Variants in CAPN3 observed in about 807,000 individuals in gnomAD.
The protein encoded by CAPN3 is calpain 3.
CAPN3 carries 88 observed loss-of-function variants against 114.0 expected under a neutral mutation model. The observed-to-expected ratio is 0.77, with a 90% CI of 0.65 to 0.92. The LOEUF (loss-of-function observed/expected upper bound fraction) is 0.92. Among genes scored for constraint, CAPN3 ranks in the 40% least tolerant of loss-of-function variants. CAPN3 has a pLI of 0.00. For synonymous variants in CAPN3, 386 were observed against 382.9 expected, an observed-to-expected ratio of 1.01 and a Z score of -0.09; for missense variants, 1,028 against 1,069.0, an observed-to-expected ratio of 0.96 and a Z score of 0.53.
intron 1 of CAPN3, among the ~76,000 whole-genome samples, chr15:42,362,632 A>G (rs544014860): frequency 6.6e-6 from 1 of 152,350 alleles, no homozygotes; most frequent in African/African-American, 2.4e-5. Context: ...CATAAATGAG[A>G]AATATAAAAT....
chr15:42,393,364 C>T (rs377379148), intron 7 of CAPN3, among the ~76,000 whole-genome samples: 4 of 152,042 alleles, frequency 2.6e-5, no homozygotes, highest in African/African-American at 9.7e-5. Flanking sequence ...GCCATGGATA[C>T]GAGAGGCTGA....
At chr15:42,397,751 A>G (rs1380948922) in intron 9 of CAPN3, among the ~76,000 whole-genome samples, 2 of 152,030 alleles carry the variant, frequency 1.3e-5, no homozygotes, top group Non-Finnish European at 2.9e-5. Flanking sequence ...GGGCCTCGCT[A>G]TATTTCTCGG....
chr15:42,385,701 A>G, intron 2 of CAPN3: 1 of 520,512 alleles, frequency 1.9e-6, no homozygotes, highest in South Asian at 1.4e-5. Context: ...GCAGCTGCCT[A>G]CCTGGCCTTC....
At position 42,365,960 on chromosome 15, in the gene CAPN3, T is replaced by A. The variant is rs568386029; in HGVS notation, c.309+5846T>A. Among the ~76,000 whole-genome samples the A allele has an allele frequency of 6.6e-5, 10 of 152,322 alleles. No homozygotes were observed. In the East Asian group the frequency reaches 1.9e-3, roughly 29 times the overall value. ...GCTTATTTTAAGAATAGAGTTTAGA[T>A]AAGTTTCCCAAGCTATAATTCATCA... On this transcript the variant is annotated intron_variant, in intron 1 of 23. Transcript: ENST00000397163.
At chr15:42,396,747 A>C (rs1218184206) in intron 8 of CAPN3, 53 bp from the exon 9 acceptor site, 5 of 1,387,092 alleles carry the variant, frequency 3.6e-6, no homozygotes, top group African/African-American at 2.8e-5. Context: ...GTCCCAACCT[A>C]CATCAGGCCT....
At chr15:42,384,593 G>A (rs757344208) in intron 2 of CAPN3, 41 bp downstream of exon 2, 9 of 1,425,438 alleles carry the variant, frequency 6.3e-6, no homozygotes, top group Non-Finnish European at 8.9e-6. Flanking sequence ...AGATGATCAA[G>A]GGGTGATTAC....
intron 10 of CAPN3, among the ~76,000 whole-genome samples, chr15:42,400,080 T>C (rs1036818277): frequency 1.3e-5 from 2 of 152,236 alleles, no homozygotes; most frequent in Non-Finnish European, 2.9e-5. Flanking sequence ...ATATCTCATG[T>C]AACTTACTTA....
chr15:42,379,801 A>C (rs1039583687), intron 1 of CAPN3, among the ~76,000 whole-genome samples: 1 of 152,232 alleles, frequency 6.6e-6, no homozygotes, highest in Middle Eastern at 3.4e-3. Context: ...ATCCTTCTTT[A>C]TCTATGAGTT....
chr15:42,389,683 G>C (rs115311588), intron 5 of CAPN3, among the ~76,000 whole-genome samples: 1 of 152,298 alleles, frequency 6.6e-6, no homozygotes, highest in South Asian at 2.1e-4. Context: ...GGTTTCCATT[G>C]GGGAGGATGG....
rs776744061 is a variant in CAPN3 at position 42,399,657 on chromosome 15, G to A, written c.1354+5G>A. 6.3e-7 allele frequency: 1 copy of A among 1,595,054 alleles called. No individual in the cohort carries two copies. The highest frequency in any genetic ancestry group is 2.3e-5 in the East Asian group (1 of 44,338). On this transcript the variant is annotated splice_donor_5th_base_variant and intron_variant, in intron 10 of 23. Transcript: ENST00000397163. ...GAGGCTGCCGCAACTTCCCAGGTGG[G>A]AGATGCTCTTGATGGGGGGAGGGTC...
At chr15:42,374,956 T>A (rs2053048959) in intron 1 of CAPN3, among the ~76,000 whole-genome samples, 1 of 150,322 alleles carries the variant, frequency 6.7e-6, no homozygotes, top group Non-Finnish European at 1.5e-5. Context: ...CCCAGGCATG[T>A]GCCACCACAT....
chr15:42,359,962 A>G lies in CAPN3; in HGVS notation c.157A>G (p.Ile53Val), dbSNP rs144138775. The G allele has an allele frequency of 6.1e-5, 98 of 1,614,208 alleles. No homozygotes were observed. The highest frequency in any genetic ancestry group is 7.3e-5 in the Non-Finnish European group (86 of 1,180,020). ...AGCCATCATCAGCCGCAATTTTCCT[A>G]TTATCGGAGTGAAAGAGAAGACATT... ...YSAIISRNFP[I>V]IGVKEKTFEQ... is the part of the protein sequence containing the mutation. Residue 53 changes from isoleucine (I) to valine (V), a missense_variant, in exon 1 of 24, where the codon ATT becomes GTT. By Grantham distance (29) the Ile-to-Val change is conservative. Coordinates refer to ENST00000397163, the MANE Select transcript of CAPN3 (RefSeq NM_000070.3).
intron 3 of CAPN3, 48 bp from the exon 4 acceptor site, chr15:42,387,705 C>T (rs757648915): frequency 6.2e-7 from 1 of 1,612,924 alleles, no homozygotes; most frequent in South Asian, 1.1e-5. Flanking sequence ...GACACATTTC[C>T]TAACAGTAAT....
chr15:42,403,994 G>T, intron 14 of CAPN3: 1 of 653,826 alleles, frequency 1.5e-6, no homozygotes. Context: ...TCAGGGGCTG[G>T]GAAATATGGA....
chr15:42,361,587 GT>G (rs990424503), intron 1 of CAPN3, among the ~76,000 whole-genome samples: 5 of 152,150 alleles, frequency 3.3e-5, no homozygotes, highest in African/African-American at 4.8e-5. Context: ...AAGGCCTTCA[GT>G]TTAGAAGATA....
intron 15 of CAPN3, 114 bp from the exon 16 acceptor site, chr15:42,408,097 C>T: frequency 4.2e-6 from 3 of 717,500 alleles, no homozygotes; most frequent in South Asian, 2.9e-5. Flanking sequence ...GAGCTCCCGC[C>T]TATTCCTTTC....
chr15:42,360,925 C>T (rs1016746230), intron 1 of CAPN3, among the ~76,000 whole-genome samples: 1 of 152,160 alleles, frequency 6.6e-6, no homozygotes, highest in Non-Finnish European at 1.5e-5. Context: ...TCTACTAGTG[C>T]CAGCACTGGG....
chr15:42,401,866 T>C (rs1407049053), intron 11 of CAPN3, 56 bp downstream of exon 11: 4 of 1,562,606 alleles, frequency 2.6e-6, no homozygotes, highest in Middle Eastern at 3.5e-4. Context: ...GGGAGGACGC[T>C]TCCAGGGGCT....
At chr15:42,393,436 C>T (rs17764737) in intron 7 of CAPN3, among the ~76,000 whole-genome samples, 4,404 of 152,222 alleles carry the variant, frequency 0.029, 68 homozygotes, top group African/African-American at 0.038. Context: ...GAGACAGGAA[C>T]GTTGTAAGAC....
Sources: allele counts gnomAD v4.1 joint callset (sites outside exome capture counted in the v4.1 genomes callset), GRCh38; gene constraint gnomAD v4.1.1; transcripts MANE v1.5; gene names NCBI Gene and HGNC (gene_info 2026-07-23, HGNC 2026-07-21).